Variants in SEMA6D observed in about 807,000 individuals in gnomAD.
SEMA6D encodes the protein semaphorin-6D.
SEMA6D carries 35 observed loss-of-function variants against 106.6 expected under a neutral mutation model. The observed-to-expected ratio is 0.33, with a 90% confidence interval of 0.25 to 0.44. The LOEUF (loss-of-function observed/expected upper bound fraction) is 0.44, where lower values mean the gene tolerates loss of function less well. Among genes scored for constraint, SEMA6D ranks in the 20% least tolerant of loss-of-function variants. The pLI, the probability that SEMA6D is intolerant of heterozygous loss-of-function variation, is 1.00. For missense variants in SEMA6D, 1,185 were observed against 1,345.9 expected, an observed-to-expected ratio of 0.88 and a Z score of 1.87; for synonymous variants, 499 against 487.7, an observed-to-expected ratio of 1.02 and a Z score of -0.31.
chr15:47,682,253 C>T (rs931232734), intron 4 of SEMA6D, among the ~76,000 whole-genome samples: 2 of 151,734 alleles, frequency 1.3e-5, no homozygotes, highest in Admixed American at 6.6e-5. Context: ...CTGCAAGCTC[C>T]GCCTCCCGGG....
intron 4 of SEMA6D, among the ~76,000 whole-genome samples, chr15:47,634,171 T>C (rs555130104): frequency 2.0e-5 from 3 of 152,260 alleles, no homozygotes; most frequent in African/African-American, 7.2e-5. Flanking sequence ...GGTGTGTATG[T>C]TTAACTTTCT....
Position 47,468,539 on chromosome 15 carries a change from T to A in SEMA6D, c.-158-1935T>A, listed in dbSNP as rs532167249. 2.0e-5 allele frequency among the ~76,000 whole-genome samples: 3 copies of A among 152,224 alleles called. No individual in the cohort carries two copies. In the East Asian group the frequency reaches 5.8e-4, roughly 30 times the overall value. ...ACCTCAGAAGAGGCAGTTGTAGATA[T>A]GAAGTGAGCTGTGTTACGTGGAGCG... On this transcript the variant is annotated intron_variant, in intron 2 of 19. Transcript: ENST00000558014.
At chr15:47,227,764 TCTA>T (rs2031841686) in intron 1 of SEMA6D, among the ~76,000 whole-genome samples, 1 of 150,326 alleles carries the variant, frequency 6.7e-6, no homozygotes, top group Admixed American at 6.7e-5. Context: ...AACCTTCTTT[TCTA>T]CTATAATTCT....
intron 1 of SEMA6D, among the ~76,000 whole-genome samples, chr15:47,296,126 G>A (rs2035793282): frequency 6.6e-6 from 1 of 152,118 alleles, no homozygotes; most frequent in South Asian, 2.1e-4. Context: ...ATTTCAAATT[G>A]AGCTCCTTTC....
intron 4 of SEMA6D, among the ~76,000 whole-genome samples, chr15:47,700,841 A>C (rs2078795547): frequency 6.6e-6 from 1 of 152,204 alleles, no homozygotes; most frequent in East Asian, 1.9e-4. Flanking sequence ...TTGACAAAGA[A>C]GCAAATGTAA....
chr15:47,420,487 C>A (rs144635342), intron 2 of SEMA6D, among the ~76,000 whole-genome samples: 4 of 152,096 alleles, frequency 2.6e-5, no homozygotes, highest in Non-Finnish European at 4.4e-5. Context: ...GCCTTCTCCC[C>A]CTCTGTGCAT....
intron 2 of SEMA6D, among the ~76,000 whole-genome samples, chr15:47,427,855 C>A (rs2041391791): frequency 1.3e-5 from 2 of 152,060 alleles, no homozygotes; most frequent in African/African-American, 4.8e-5. Flanking sequence ...CCTATTGGAA[C>A]CCTTCTTGAT....
chr15:47,432,527 TACATACACATATGTGTTATGTGTATATAC>T (rs2041565621), intron 2 of SEMA6D, among the ~76,000 whole-genome samples: 1 of 117,888 alleles, frequency 8.5e-6, no homozygotes. Flanking sequence ...TATGCATATA[TACATACACATATGTGTTATGTGTATATAC>T]ATATACGCAT....
chr15:47,284,154 T>C (rs16959145), intron 1 of SEMA6D, among the ~76,000 whole-genome samples: 2,595 of 152,318 alleles, frequency 0.017, 48 homozygotes, highest in African/African-American at 0.02. Context: ...AAAAAAGCTC[T>C]GTAAGCAAGA....
At chr15:47,634,612 G>C (rs1048741890) in intron 4 of SEMA6D, among the ~76,000 whole-genome samples, 2 of 152,110 alleles carry the variant, frequency 1.3e-5, no homozygotes, top group African/African-American at 4.8e-5. Flanking sequence ...ACGTAGACAG[G>C]GGAACAGAAA....
rs775063808 is a variant in SEMA6D at position 47,766,029 on chromosome 15, C to G, written c.1568+20C>G. ...TAAAAAGTAAGCTCGTGTTTCTTTA[C>G]TTACCCTGGGTCTTGCAGTATCGAA... On this transcript the variant is annotated intron_variant, in intron 14 of 18. Coordinates refer to ENST00000536845, the MANE Select transcript of SEMA6D (RefSeq NM_001358351.3). 17 of 1,605,306 alleles carry G rather than the reference C, an allele frequency of 1.1e-5. No homozygotes were observed. The highest frequency in any genetic ancestry group is 1.7e-4 in the Middle Eastern group (1 of 6,016).
At chr15:47,496,514 T>C (rs2043663459) in intron 3 of SEMA6D, among the ~76,000 whole-genome samples, 1 of 152,010 alleles carries the variant, frequency 6.6e-6, no homozygotes, top group Non-Finnish European at 1.5e-5. Context: ...TGTTTTCAGC[T>C]CCACAAGCTT....
At chr15:47,284,636 A>G (rs2035279139) in intron 1 of SEMA6D, among the ~76,000 whole-genome samples, 2 of 152,256 alleles carry the variant, frequency 1.3e-5, no homozygotes, top group Admixed American at 6.5e-5. Flanking sequence ...GTGCTACAGA[A>G]TTATGAAAAG....
intron 1 of SEMA6D, among the ~76,000 whole-genome samples, chr15:47,185,197 G>C (rs1435147484): frequency 6.6e-6 from 1 of 152,210 alleles, no homozygotes; most frequent in East Asian, 1.9e-4. Flanking sequence ...ACTTGGAGGA[G>C]TGGGGGTCAA....
At chr15:47,211,263 C>G (rs536623997) in intron 1 of SEMA6D, among the ~76,000 whole-genome samples, 1 of 152,088 alleles carries the variant, frequency 6.6e-6, no homozygotes, top group Non-Finnish European at 1.5e-5. Flanking sequence ...TGGCCATTTT[C>G]ACATAACTGT....
At chr15:47,762,773 G>C (rs1472219903) in intron 8 of SEMA6D, among the ~76,000 whole-genome samples, 2 of 152,110 alleles carry the variant, frequency 1.3e-5, no homozygotes, top group Admixed American at 1.3e-4. Flanking sequence ...TTGAAACAAA[G>C]ACCTTTGCTG....
chr15:47,202,125 T>G (rs1894765882), intron 1 of SEMA6D, among the ~76,000 whole-genome samples: 1 of 152,020 alleles, frequency 6.6e-6, no homozygotes, highest in Non-Finnish European at 1.5e-5. Flanking sequence ...TATCATTATG[T>G]TACAGTAGGT....
intron 1 of SEMA6D, among the ~76,000 whole-genome samples, chr15:47,362,105 G>A (rs1176623110): frequency 6.6e-6 from 1 of 152,106 alleles, no homozygotes; most frequent in Non-Finnish European, 1.5e-5. Context: ...GCCTTAATTG[G>A]CAAGGAGAAA....
intron 4 of SEMA6D, among the ~76,000 whole-genome samples, chr15:47,601,662 A>G (rs149246600): frequency 7.9e-5 from 12 of 152,302 alleles, no homozygotes; most frequent in Non-Finnish European, 1.5e-4. Flanking sequence ...CCTAAACTAC[A>G]TGTGTTTGCA....
Sources: allele counts gnomAD v4.1 joint callset (sites outside exome capture counted in the v4.1 genomes callset), GRCh38; gene constraint gnomAD v4.1.1; transcripts MANE v1.5; gene names NCBI Gene and HGNC (gene_info 2026-07-23, HGNC 2026-07-21).